SYTL2: variants seen among roughly 807,000 people sequenced by gnomAD.
The protein encoded by SYTL2 is synaptotagmin-like protein 2.
A neutral mutation model predicts 198.7 loss-of-function variants in SYTL2; 165 were observed. That is an observed-to-expected ratio of 0.83 (90% CI 0.73 to 0.94). SYTL2 has a LOEUF of 0.94. Among genes scored for constraint, SYTL2 ranks in the 40% least tolerant of loss-of-function variants. The pLI is 0.00. For synonymous variants in SYTL2, 966 were observed against 917.7 expected (o/e 1.05, Z -0.95); for missense variants, 2,835 against 2,582.8 (o/e 1.10, Z -2.12).
At position 85,755,424 on chromosome 11, in the gene SYTL2, A is replaced by G. The variant is rs144050494; in HGVS notation, c.101+2201T>C. The stretch of plus-strand genomic sequence containing the variant: ...TTGACTCACACCAGGCTTTTCACCA[A>G]TCCAAGCCTTCTTCCTGCCATTTAG... On this transcript the variant is annotated intron_variant, in intron 2 of 19. Transcript: ENST00000359152. Among the ~76,000 whole-genome samples the G allele has an allele frequency of 7.3e-4, 111 of 152,282 alleles. 1 individual carries two copies. Among genetic ancestry groups the G allele is most frequent in the African/African-American group, 2.4e-3 (100 of 41,568 alleles).
the SYTL2 span, among the ~76,000 whole-genome samples, chr11:85,822,958 T>C: frequency 1.3e-5 from 2 of 152,190 alleles, no homozygotes; most frequent in African/African-American, 2.4e-5. Context: ...AAGAGAATGG[T>C]AAGGTCGCCA....
the SYTL2 span, among the ~76,000 whole-genome samples, chr11:85,820,204 C>T: frequency 0.015 from 2,241 of 152,304 alleles, 23 homozygotes; most frequent in Non-Finnish European, 0.024. Flanking sequence ...TTTAACACTA[C>T]AGTTGACTTG....
At chr11:85,825,428 G>C in the SYTL2 span, among the ~76,000 whole-genome samples, 1 of 150,774 alleles carries the variant, frequency 6.6e-6, no homozygotes, top group Non-Finnish European at 1.5e-5. Context: ...GAGTTATAGA[G>C]GGAAGAGAAC....
At chr11:85,804,159 C>G (rs1463860303) in intron 1 of SYTL2, among the ~76,000 whole-genome samples, 1 of 152,094 alleles carries the variant, frequency 6.6e-6, no homozygotes, top group Non-Finnish European at 1.5e-5. Flanking sequence ...CCTAATATTT[C>G]CTGAAATACT....
At chr11:85,827,763 G>A in the SYTL2 span, among the ~76,000 whole-genome samples, 1 of 152,128 alleles carries the variant, frequency 6.6e-6, no homozygotes, top group East Asian at 1.9e-4. Flanking sequence ...CCCAGATATG[G>A]GGTAGTCATA....
At chr11:85,729,564 C>T (rs2089591561) in intron 7 of SYTL2, among the ~76,000 whole-genome samples, 1 of 152,142 alleles carries the variant, frequency 6.6e-6, no homozygotes, top group South Asian at 2.1e-4. Flanking sequence ...CACAGCATTC[C>T]AGAATCTCTG....
intron 15 of SYTL2, among the ~76,000 whole-genome samples, chr11:85,705,847 A>T (rs146489849): frequency 1.3e-5 from 2 of 152,304 alleles, no homozygotes; most frequent in African/African-American, 4.8e-5. Context: ...CCAGGGTACT[A>T]GGGTATATCA....
intron 2 of SYTL2, among the ~76,000 whole-genome samples, chr11:85,753,033 G>A (rs953229808): frequency 2.7e-5 from 4 of 148,318 alleles, no homozygotes; most frequent in Non-Finnish European, 5.9e-5. Flanking sequence ...AACACCCATC[G>A]CTGTAGATGT....
At chr11:85,832,480 T>C in the SYTL2 span, among the ~76,000 whole-genome samples, 1 of 152,130 alleles carries the variant, frequency 6.6e-6, no homozygotes, top group Non-Finnish European at 1.5e-5. Flanking sequence ...TTGACAAAGT[T>C]CCCAAAAACA....
chr11:85,848,622 C>T, the SYTL2 span, among the ~76,000 whole-genome samples: 1 of 151,968 alleles, frequency 6.6e-6, no homozygotes, highest in Non-Finnish European at 1.5e-5. Context: ...AAGTATGTTT[C>T]TTGATTTTTT....
Position 85,734,313 on chromosome 11 carries a change from T to C in SYTL2, c.1016A>G (p.Lys339Arg), listed in dbSNP as rs1406111250. The change falls in exon 7 of 20, where the codon AAG (lysine) becomes AGG (arginine). Residue 339 changes from lysine (K) to arginine (R), a missense_variant. Physicochemically the swap from Lys to Arg is conservative, Grantham distance 26. This residue lies in a region of SYTL2 where 2,645 missense variants were observed against 2,381.7 expected (regional missense o/e 1.11). Coordinates refer to ENST00000359152, the MANE Select transcript of SYTL2 (RefSeq NM_206927.4). The stretch of plus-strand genomic sequence containing the variant: ...CCCAGGACTCTGTGGAAGCTCATCC[T>C]TCACTGCAGAGAATCTCACATGCTT... ...PLKHVRFSAV[K>R]DELPQSPGLI... The C allele has an allele frequency of 6.2e-7, 1 of 1,614,218 alleles. No homozygotes were observed. Among genetic ancestry groups the C allele is most frequent in the South Asian group, 1.1e-5 (1 of 91,088 alleles).
chr11:85,802,802 A>G (rs1243219071), intron 1 of SYTL2, among the ~76,000 whole-genome samples: 1 of 152,226 alleles, frequency 6.6e-6, no homozygotes, highest in African/African-American at 2.4e-5. Context: ...ATTTTTGCAG[A>G]AAAGGAAGTT....
intron 1 of SYTL2, among the ~76,000 whole-genome samples, chr11:85,791,193 A>AAAAC (rs2092725964): frequency 2.0e-5 from 3 of 150,216 alleles, no homozygotes; most frequent in African/African-American, 7.4e-5. Flanking sequence ...AAAAAAAAAA[A>AAAAC]AACAACCTTA....
At chr11:85,826,254 G>A in the SYTL2 span, among the ~76,000 whole-genome samples, 1 of 152,222 alleles carries the variant, frequency 6.6e-6, no homozygotes, top group Admixed American at 6.5e-5. Context: ...GGACTGAGGA[G>A]GCCTGTCTCC....
Position 85,725,754 on chromosome 11 carries a change from G to C in SYTL2, c.3604C>G (p.Pro1202Ala). The change falls in exon 8 of 20, where the codon CCA becomes GCA. Residue 1202 changes from proline to alanine, a missense_variant. Pro to Ala is a conservative substitution (Grantham distance 27, BLOSUM62 -1). Around this residue, in one of 3 missense-constraint regions of SYTL2, gnomAD observed 2,645 missense variants for 2,381.7 expected, o/e 1.11. Transcript: ENST00000359152. ...NEHVDKTVVH[P>A]KVKRNSLTAS... ...GTCAAAGAGTTCCGTTTAACCTTTG[G>C]ATGAACTACTGTTTTGTCAACATGC... 1 of 1,614,124 alleles carries C rather than the reference G, an allele frequency of 6.2e-7. No homozygotes were observed. Among genetic ancestry groups the C allele is most frequent in the Non-Finnish European group, 8.5e-7 (1 of 1,179,998 alleles).
At chr11:85,827,712 C>T in the SYTL2 span, among the ~76,000 whole-genome samples, 2 of 152,144 alleles carry the variant, frequency 1.3e-5, no homozygotes, top group Admixed American at 1.3e-4. Context: ...TCCATGTCTC[C>T]TAGCTAGCTC....
chr11:85,696,802 C>T (rs1405411883), intron 18 of SYTL2, among the ~76,000 whole-genome samples: 1 of 152,156 alleles, frequency 6.6e-6, no homozygotes, highest in Non-Finnish European at 1.5e-5. Flanking sequence ...TTTGAGGATT[C>T]CTTTAAAATT....
intron 1 of SYTL2, among the ~76,000 whole-genome samples, chr11:85,761,503 T>C (rs1047085064): frequency 2.0e-5 from 3 of 152,132 alleles, no homozygotes; most frequent in Non-Finnish European, 4.4e-5. Flanking sequence ...TAAGACTGTA[T>C]TAGGCCTTGT....
the SYTL2 span, among the ~76,000 whole-genome samples, chr11:85,817,897 C>CTTT: frequency 7.5e-4 from 90 of 119,858 alleles, 2 homozygotes; most frequent in Non-Finnish European, 8.8e-4. Flanking sequence ...ACCTTTGTGT[C>CTTT]TTTTCTTTTT....
Sources: gnomAD v4.1 joint callset for allele counts (sites outside exome capture counted in the v4.1 genomes callset) on GRCh38, gnomAD v4.1.1 for gene constraint, gnomAD v4.1.1 regional missense constraint, MANE v1.5 for transcripts, NCBI Gene and HGNC (gene_info 2026-07-23, HGNC 2026-07-21) for gene names.